EPHB1: variants seen among roughly 807,000 people sequenced by gnomAD.
The protein encoded by EPHB1 is EPH receptor B1, also known as ephrin type-B receptor 1.
EPHB1 carries 30 observed loss-of-function variants against 94.4 expected under a neutral mutation model. The observed-to-expected ratio is 0.32, with a 90% CI of 0.24 to 0.43. EPHB1 has a LOEUF of 0.43. Among genes scored for constraint, EPHB1 ranks in the 20% least tolerant of loss-of-function variants. EPHB1 has a pLI of 1.00. For synonymous variants in EPHB1, 522 were observed against 489.1 expected (o/e 1.07, Z -0.89); for missense variants, 1,055 against 1,308.3 (o/e 0.81, Z 2.99).
chr3:135,145,585 CTTTG>C (rs1264411819), intron 5 of EPHB1, among the ~76,000 whole-genome samples: 6 of 152,186 alleles, frequency 3.9e-5, no homozygotes, highest in Non-Finnish European at 8.8e-5. Context: ...TCAGGGAGAA[CTTTG>C]TTTGGAGAAA....
intron 3 of EPHB1, among the ~76,000 whole-genome samples, chr3:135,034,457 G>A (rs1936582600): frequency 6.6e-6 from 1 of 152,232 alleles, no homozygotes; most frequent in Non-Finnish European, 1.5e-5. Flanking sequence ...AATCACGTGT[G>A]AGGGCTGCAG....
At chr3:134,807,281 G>A (rs1325882664) in intron 1 of EPHB1, among the ~76,000 whole-genome samples, 1 of 152,102 alleles carries the variant, frequency 6.6e-6, no homozygotes, top group East Asian at 1.9e-4. Context: ...CACTGTACTC[G>A]GAACTGAAAA....
At chr3:134,909,156 T>C (rs1369681078) in intron 1 of EPHB1, among the ~76,000 whole-genome samples, 2 of 147,222 alleles carry the variant, frequency 1.4e-5, no homozygotes, top group Non-Finnish European at 3.0e-5. Context: ...CCCAAGAGTG[T>C]GGTGGCTAGG....
chr3:135,196,833 A>G (rs1942632640), intron 11 of EPHB1, among the ~76,000 whole-genome samples: 1 of 152,172 alleles, frequency 6.6e-6, no homozygotes, highest in African/African-American at 2.4e-5. Context: ...CATTCAGTAG[A>G]TGGTTCATTA....
intron 3 of EPHB1, among the ~76,000 whole-genome samples, chr3:135,066,883 C>A (rs1304714072): frequency 1.3e-5 from 2 of 152,128 alleles, no homozygotes; most frequent in Non-Finnish European, 2.9e-5. Flanking sequence ...ACAGTGTGTT[C>A]CCTTGATGTA....
chr3:135,119,430 C>G (rs1343563703), intron 4 of EPHB1, among the ~76,000 whole-genome samples: 1 of 151,138 alleles, frequency 6.6e-6, no homozygotes, highest in African/African-American at 2.4e-5. Flanking sequence ...CTCTCTTATA[C>G]TTTCTTTCAT....
chr3:134,800,843 C>T (rs2035921833), intron 1 of EPHB1, among the ~76,000 whole-genome samples: 1 of 152,208 alleles, frequency 6.6e-6, no homozygotes, highest in Non-Finnish European at 1.5e-5. Flanking sequence ...TTATTATAAT[C>T]AACTCCTCTC....
At chr3:135,062,168 T>C (rs1937521336) in intron 3 of EPHB1, among the ~76,000 whole-genome samples, 1 of 152,228 alleles carries the variant, frequency 6.6e-6, no homozygotes, top group Non-Finnish European at 1.5e-5. Flanking sequence ...GTGAGAATCT[T>C]TTTCATATAA....
chr3:135,120,525 C>G (rs1406306967), intron 4 of EPHB1, among the ~76,000 whole-genome samples: 1 of 152,220 alleles, frequency 6.6e-6, no homozygotes, highest in Non-Finnish European at 1.5e-5. Context: ...CAGAGATACA[C>G]TGACCACCAA....
chr3:134,804,619 C>T (rs569981248), intron 1 of EPHB1, among the ~76,000 whole-genome samples: 20 of 152,266 alleles, frequency 1.3e-4, no homozygotes, highest in African/African-American at 4.6e-4. Context: ...GGCTCACCTT[C>T]CAGAGGAAGG....
intron 11 of EPHB1, among the ~76,000 whole-genome samples, chr3:135,200,629 G>A (rs1419874432): frequency 2.6e-5 from 4 of 152,128 alleles, no homozygotes; most frequent in African/African-American, 9.7e-5. Flanking sequence ...ATAATACTAT[G>A]GTGACCAAAA....
In EPHB1 at chr3:135,053,025, GTGTA is replaced by G. The variant is rs1196486026; in HGVS notation, c.806-53421_806-53418del. ...TGTGTGTATATATATGTGTGTGTGT[GTGTA>G]TATATATATATATATATATATATAT... On this transcript the variant is annotated intron_variant, in intron 3 of 15. Transcript: ENST00000398015. Among the ~76,000 whole-genome samples, 92 of 90,626 alleles carry G rather than the reference GTGTA, an allele frequency of 1.0e-3. 5 individuals carry two copies. The highest frequency in any genetic ancestry group is 0.012 in the Middle Eastern group (2 of 168). The allele number at this position is 90,626 out of a possible 152,430, so 59.5% of individuals were successfully genotyped here.
chr3:134,887,992 T>A (rs1472194828), intron 1 of EPHB1, among the ~76,000 whole-genome samples: 3 of 152,148 alleles, frequency 2.0e-5, no homozygotes, highest in African/African-American at 7.2e-5. Flanking sequence ...ACAAGTGGCT[T>A]TGTACTAGGG....
intron 12 of EPHB1, among the ~76,000 whole-genome samples, chr3:135,221,992 A>G (rs1266082063): frequency 7.9e-5 from 12 of 152,230 alleles, no homozygotes; most frequent in Non-Finnish European, 5.9e-5. Flanking sequence ...ATTTCTTTTC[A>G]GCTAATAATG....
intron 1 of EPHB1, among the ~76,000 whole-genome samples, chr3:134,855,768 G>T (rs888139143): frequency 6.6e-6 from 1 of 152,150 alleles, no homozygotes; most frequent in Admixed American, 6.5e-5. Flanking sequence ...GAAAAAGAAA[G>T]CTAGGACCTA....
At chr3:135,146,290 T>G (rs1267816195) in intron 5 of EPHB1, among the ~76,000 whole-genome samples, 1 of 152,260 alleles carries the variant, frequency 6.6e-6, no homozygotes, top group Non-Finnish European at 1.5e-5. Flanking sequence ...CATTGAAGGT[T>G]TTTAGCATTG....
At chr3:135,188,496 A>G (rs1396687176) in intron 10 of EPHB1, among the ~76,000 whole-genome samples, 2 of 150,894 alleles carry the variant, frequency 1.3e-5, no homozygotes, top group Non-Finnish European at 2.9e-5. Flanking sequence ...CTCTGTCTCA[A>G]AAAAAAATAG....
chr3:134,897,123 G>A (rs903370562), intron 1 of EPHB1, among the ~76,000 whole-genome samples: 8 of 152,246 alleles, frequency 5.3e-5, no homozygotes, highest in Non-Finnish European at 1.0e-4. Context: ...CTGGGGCCCA[G>A]CCCAGCCCTC....
intron 3 of EPHB1, among the ~76,000 whole-genome samples, chr3:135,064,333 T>A (rs192312063): frequency 6.6e-6 from 1 of 152,212 alleles, no homozygotes; most frequent in East Asian, 1.9e-4. Context: ...GTCCTGGGCT[T>A]TTTTGTTGTT....
Sources: allele counts gnomAD v4.1 joint callset (sites outside exome capture counted in the v4.1 genomes callset), GRCh38; gene constraint gnomAD v4.1.1; transcripts MANE v1.5; gene names NCBI Gene and HGNC (gene_info 2026-07-23, HGNC 2026-07-21).